PAPPA2: variants seen among roughly 807,000 people sequenced by gnomAD.
PAPPA2 encodes pappalysin 2, also known as pappalysin-2.
Under a neutral mutation model 176.4 loss-of-function variants are expected in PAPPA2, and 86 were observed. That is an observed-to-expected ratio of 0.49 (90% CI 0.41 to 0.58). The LOEUF (loss-of-function observed/expected upper bound fraction) is 0.58, where lower values mean the gene tolerates loss of function less well. Among genes scored for constraint, PAPPA2 ranks in the 20% least tolerant of loss-of-function variants. The pLI is 0.00. For missense variants in PAPPA2, 2,073 were observed against 2,256.9 expected, an observed-to-expected ratio of 0.92 and a Z score of 1.65; for synonymous variants, 809 against 852.2, an observed-to-expected ratio of 0.95 and a Z score of 0.88.
chr1:176,695,994 G>A, intron 7 of PAPPA2, 135 bp downstream of exon 7: 3 of 1,085,774 alleles, frequency 2.8e-6, no homozygotes, highest in African/African-American at 1.6e-5. Context: ...GTGTGTGTGT[G>A]TGTGTGTGTG....
intron 12 of PAPPA2, among the ~76,000 whole-genome samples, chr1:176,723,065 T>C (rs1214852790): frequency 6.6e-6 from 1 of 152,208 alleles, no homozygotes; most frequent in Non-Finnish European, 1.5e-5. Context: ...GTGAAAGCCT[T>C]CTTGCTGCAT....
intron 20 of PAPPA2, among the ~76,000 whole-genome samples, chr1:176,797,384 C>T (rs1213641824): frequency 1.3e-5 from 2 of 152,128 alleles, no homozygotes; most frequent in African/African-American, 4.8e-5. Context: ...TGGCTCCTGC[C>T]TGTAATCCCA....
intron 1 of PAPPA2, among the ~76,000 whole-genome samples, chr1:176,547,991 T>G (rs1031847871): frequency 6.6e-6 from 1 of 152,366 alleles, no homozygotes; most frequent in East Asian, 1.9e-4. Flanking sequence ...GGGTTGGTTG[T>G]TAGCACAACA....
At chr1:176,754,531 CAGA>C (rs1173038411) in intron 14 of PAPPA2, among the ~76,000 whole-genome samples, 2 of 150,392 alleles carry the variant, frequency 1.3e-5, no homozygotes, top group African/African-American at 4.9e-5. Flanking sequence ...AAATTTATAC[CAGA>C]AGTATTCTCT....
At chr1:176,471,008 G>T (rs1651847504) in intron 1 of PAPPA2, among the ~76,000 whole-genome samples, 1 of 152,148 alleles carries the variant, frequency 6.6e-6, no homozygotes. Flanking sequence ...CCCAGGGTTT[G>T]TCTTCTCTAG....
At chr1:176,753,213 A>C (rs1014551552) in intron 14 of PAPPA2, among the ~76,000 whole-genome samples, 1 of 152,212 alleles carries the variant, frequency 6.6e-6, no homozygotes, top group Non-Finnish European at 1.5e-5. Flanking sequence ...TCTGAGCCCC[A>C]GTCAAGGGAG....
chr1:176,829,891 G>A (rs1667018596), intron 21 of PAPPA2, among the ~76,000 whole-genome samples: 1 of 152,254 alleles, frequency 6.6e-6, no homozygotes, highest in Non-Finnish European at 1.5e-5. Context: ...TTACTGGGCA[G>A]GATGCCTGCA....
chr1:176,771,585 G>A lies in PAPPA2; in HGVS notation c.4715+405G>A, dbSNP rs537648115. 2.0e-5 allele frequency among the ~76,000 whole-genome samples: 3 copies of A among 152,302 alleles called. No individual in the cohort carries two copies. In the South Asian group the frequency reaches 6.2e-4, roughly 32 times the overall value. On this transcript the variant is annotated intron_variant, in intron 17 of 22. Transcript: ENST00000367662. ...GCCTCAATTTTCTTTCTGTAAAAAG[G>A]AGATGATGATTAAAAATATCCGCCA...
intron 1 of PAPPA2, among the ~76,000 whole-genome samples, chr1:176,530,788 T>A (rs965461637): frequency 6.6e-6 from 1 of 152,210 alleles, no homozygotes; most frequent in Admixed American, 6.5e-5. Flanking sequence ...TAATTCTATA[T>A]TAGGGGCATA....
chr1:176,538,011 C>T (rs961193502), intron 1 of PAPPA2, among the ~76,000 whole-genome samples: 1 of 152,146 alleles, frequency 6.6e-6, no homozygotes, highest in Admixed American at 6.6e-5. Context: ...CTCCCTCTCT[C>T]TCTCCTTTGA....
At chr1:176,833,816 A>G (rs1667168624) in intron 21 of PAPPA2, among the ~76,000 whole-genome samples, 1 of 151,600 alleles carries the variant, frequency 6.6e-6, no homozygotes, top group Admixed American at 6.6e-5. Flanking sequence ...ACCTACATAT[A>G]TATGTGTATA....
At chr1:176,472,070 G>C (rs933153855) in intron 1 of PAPPA2, among the ~76,000 whole-genome samples, 1 of 152,156 alleles carries the variant, frequency 6.6e-6, no homozygotes, top group African/African-American at 2.4e-5. Context: ...GTGGGCTGCA[G>C]AATATTATTG....
chr1:176,524,761 C>T (rs898701638), intron 1 of PAPPA2, among the ~76,000 whole-genome samples: 3 of 152,190 alleles, frequency 2.0e-5, no homozygotes, highest in Non-Finnish European at 2.9e-5. Flanking sequence ...CGGTGGCTTA[C>T]GCCTGTAATC....
rs945269771 is a variant in PAPPA2 at position 176,790,791 on chromosome 1, G to A, written c.4885-556G>A. On this transcript the variant is annotated intron_variant, in intron 18 of 22. Coordinates refer to ENST00000367662, the MANE Select transcript of PAPPA2 (RefSeq NM_020318.3). ...CTATGTTCTAGATAGAGTATAATTC[G>A]TGAAGCCAAGAGTTACACAAACCAG... Among the ~76,000 whole-genome samples, 8 of 152,260 alleles carry A rather than the reference G, an allele frequency of 5.3e-5. No homozygotes were observed. In the South Asian group the frequency reaches 8.3e-4, roughly 16 times the overall value.
intron 17 of PAPPA2, among the ~76,000 whole-genome samples, chr1:176,787,128 A>G (rs567833050): frequency 4.5e-4 from 69 of 152,354 alleles, no homozygotes; most frequent in African/African-American, 1.6e-3. Flanking sequence ...AATAATGTAC[A>G]TAGGTATCTT....
chr1:176,764,028 G>A (rs1332401118), intron 14 of PAPPA2, among the ~76,000 whole-genome samples: 4 of 152,146 alleles, frequency 2.6e-5, no homozygotes, highest in East Asian at 1.9e-4. Flanking sequence ...CACATGCAAA[G>A]GTGCAAAACT....
intron 12 of PAPPA2, among the ~76,000 whole-genome samples, chr1:176,731,682 T>TACACAC (rs202142411): frequency 1.3e-4 from 20 of 151,156 alleles, no homozygotes; most frequent in African/African-American, 4.7e-4. Flanking sequence ...TATGTGTATA[T>TACACAC]ATACATATAT....
At chr1:176,610,348 G>GTT (rs1360326866) in intron 3 of PAPPA2, among the ~76,000 whole-genome samples, 1 of 136,472 alleles carries the variant, frequency 7.3e-6, no homozygotes, top group African/African-American at 2.5e-5. Flanking sequence ...TGTGTGTGGG[G>GTT]GGGGGGAGTA....
intron 14 of PAPPA2, among the ~76,000 whole-genome samples, chr1:176,760,350 T>TGTC (rs1663642482): frequency 6.6e-6 from 1 of 152,222 alleles, no homozygotes; most frequent in South Asian, 2.1e-4. Flanking sequence ...GTGGGGCCAA[T>TGTC]GTCTCCTTCT....
Sources: gnomAD v4.1 joint callset for allele counts (sites outside exome capture counted in the v4.1 genomes callset) on GRCh38, gnomAD v4.1.1 for gene constraint, MANE v1.5 for transcripts, NCBI Gene and HGNC (gene_info 2026-07-23, HGNC 2026-07-21) for gene names.